Variants in FAF1 observed in about 807,000 individuals in gnomAD.
The protein encoded by FAF1 is Fas associated factor 1, also known as FAS-associated factor 1.
Under a neutral mutation model 92.5 loss-of-function variants are expected in FAF1, and 25 were observed. The ratio of observed to expected loss-of-function variants is 0.27; its 90% confidence interval spans 0.20 to 0.38. The LOEUF is 0.38. FAF1 is among the 10% of genes least tolerant of loss of function. The pLI is 1.00. For synonymous variants in FAF1, 234 were observed against 273.2 expected, an observed-to-expected ratio of 0.86 and a Z score of 1.42; for missense variants, 636 against 793.3, an observed-to-expected ratio of 0.80 and a Z score of 2.38.
chr1:50,950,694 T>G (rs889346532), intron 1 of FAF1, among the ~76,000 whole-genome samples: 1 of 152,242 alleles, frequency 6.6e-6, no homozygotes, highest in Non-Finnish European at 1.5e-5. Flanking sequence ...CCAAGGCTTC[T>G]GAACACCTGT....
At chr1:50,610,290 A>AT (rs1365883636) in intron 8 of FAF1, among the ~76,000 whole-genome samples, 31 of 152,290 alleles carry the variant, frequency 2.0e-4, no homozygotes, top group African/African-American at 7.5e-4. Flanking sequence ...ACTTTCAAGC[A>AT]TTTTTCTAAT....
At chr1:50,556,238 C>CAAAAAAAAA in intron 13 of FAF1, among the ~76,000 whole-genome samples, 1 of 73,802 alleles carries the variant, frequency 1.4e-5, no homozygotes, top group Non-Finnish European at 2.5e-5. Flanking sequence ...ACTCCATCTC[C>CAAAAAAAAA]AAAAAAAAAA....
At chr1:50,781,200 G>A (rs2124562168) in intron 4 of FAF1, 1 of 164,078 alleles carries the variant, frequency 6.1e-6, no homozygotes, top group Non-Finnish European at 1.3e-5. Flanking sequence ...CAGAGCCTCA[G>A]TGATTCTTAC....
intron 13 of FAF1, among the ~76,000 whole-genome samples, chr1:50,542,822 T>G (rs1228132860): frequency 6.6e-6 from 1 of 151,988 alleles, no homozygotes; most frequent in Non-Finnish European, 1.5e-5. Flanking sequence ...CAAGGCCAAA[T>G]GCTAAAATTA....
intron 1 of FAF1, among the ~76,000 whole-genome samples, chr1:50,955,975 C>T (rs1645263424): frequency 6.6e-6 from 1 of 151,982 alleles, no homozygotes; most frequent in Admixed American, 6.6e-5. Context: ...ATGGTGGTTG[C>T]CAGGGGCTGA....
intron 1 of FAF1, among the ~76,000 whole-genome samples, chr1:50,910,773 C>A (rs187453789): frequency 1.3e-5 from 2 of 151,932 alleles, no homozygotes; most frequent in Admixed American, 6.6e-5. Context: ...TTCCAGGTAC[C>A]GTCTGTCACA....
chr1:50,650,497 G>A (rs1002754486), intron 8 of FAF1, among the ~76,000 whole-genome samples: 3 of 151,998 alleles, frequency 2.0e-5, no homozygotes, highest in African/African-American at 7.2e-5. Context: ...GTATACGCCT[G>A]TAATCCCAGC....
At chr1:50,806,188 T>C (rs1662192987) in intron 2 of FAF1, among the ~76,000 whole-genome samples, 3 of 147,694 alleles carry the variant, frequency 2.0e-5, no homozygotes, top group Admixed American at 1.3e-4. Flanking sequence ...AATAAGAAAA[T>C]GGGGGAAAGT....
intron 6 of FAF1, among the ~76,000 whole-genome samples, chr1:50,724,944 A>C (rs1658581939): frequency 6.6e-6 from 1 of 152,212 alleles, no homozygotes. Context: ...CAGGCTCTGA[A>C]GACTCAATCA....
intron 15 of FAF1, among the ~76,000 whole-genome samples, chr1:50,518,384 G>A (rs1184449498): frequency 6.6e-6 from 1 of 151,482 alleles, no homozygotes; most frequent in East Asian, 1.9e-4. Flanking sequence ...GTTGTTTTTA[G>A]TTTTGGCAAT....
At chr1:50,882,535 G>A (rs1007067868) in intron 1 of FAF1, among the ~76,000 whole-genome samples, 1 of 152,006 alleles carries the variant, frequency 6.6e-6, no homozygotes, top group African/African-American at 2.4e-5. Context: ...CCGAGAGGCA[G>A]AGGTTGTGGT....
intron 1 of FAF1, among the ~76,000 whole-genome samples, chr1:50,932,546 C>T (rs1010763056): frequency 3.3e-5 from 5 of 152,356 alleles, no homozygotes; most frequent in South Asian, 2.1e-4. Flanking sequence ...TGGGCAGCTC[C>T]GCGCCTGTGG....
At chr1:50,589,100 C>T (rs764867913) in intron 9 of FAF1, among the ~76,000 whole-genome samples, 11 of 152,162 alleles carry the variant, frequency 7.2e-5, no homozygotes, top group Non-Finnish European at 1.0e-4. Flanking sequence ...GCAAGATCAC[C>T]TACTTATAGA....
At chr1:50,870,700 A>T (rs1164418376) in intron 1 of FAF1, among the ~76,000 whole-genome samples, 1 of 152,174 alleles carries the variant, frequency 6.6e-6, no homozygotes, top group African/African-American at 2.4e-5. Context: ...AATGAACTTC[A>T]TCAATAAATG....
At chr1:50,850,924 G>C (rs1029893339) in intron 2 of FAF1, among the ~76,000 whole-genome samples, 1 of 152,024 alleles carries the variant, frequency 6.6e-6, no homozygotes, top group Admixed American at 6.6e-5. Flanking sequence ...ATATTTACAG[G>C]TGTGCTAAAC....
chr1:50,509,412 G>C (rs1305601098), intron 15 of FAF1, among the ~76,000 whole-genome samples: 1 of 151,688 alleles, frequency 6.6e-6, no homozygotes, highest in African/African-American at 2.4e-5. Context: ...AGGAGTTCCA[G>C]AACAGCCTAG....
At chr1:50,483,799 T>A (rs1249279539) in intron 17 of FAF1, among the ~76,000 whole-genome samples, 1 of 152,158 alleles carries the variant, frequency 6.6e-6, no homozygotes, top group Non-Finnish European at 1.5e-5. Flanking sequence ...AATATGGATG[T>A]AAACGAGATA....
At chr1:50,564,390 C>T (rs1032459935) in intron 13 of FAF1, among the ~76,000 whole-genome samples, 1 of 151,972 alleles carries the variant, frequency 6.6e-6, no homozygotes, top group Non-Finnish European at 1.5e-5. Context: ...AAAGAAATAA[C>T]AGTTAAAAGG....
intron 8 of FAF1, among the ~76,000 whole-genome samples, chr1:50,652,129 C>T (rs571492894): frequency 4.6e-5 from 7 of 152,230 alleles, no homozygotes; most frequent in Middle Eastern, 3.4e-3. Context: ...GTGCAAATGG[C>T]AATAATGAGG....
Sources: allele counts gnomAD v4.1 joint callset (sites outside exome capture counted in the v4.1 genomes callset), GRCh38; gene constraint gnomAD v4.1.1; transcripts MANE v1.5; gene names NCBI Gene and HGNC (gene_info 2026-07-23, HGNC 2026-07-21).